AFAP1: variants seen among roughly 807,000 people sequenced by gnomAD.
AFAP1 encodes actin filament associated protein 1.
A neutral mutation model predicts 93.9 loss-of-function variants in AFAP1; 75 were observed. The ratio of observed to expected loss-of-function variants is 0.80; its 90% CI spans 0.66 to 0.97. AFAP1 has a LOEUF of 0.97. AFAP1 is among the 50% of genes least tolerant of loss of function. The pLI, the probability that AFAP1 is intolerant of heterozygous loss-of-function variation, is 0.00. For missense variants in AFAP1, 1,201 were observed against 1,050.8 expected, an observed-to-expected ratio of 1.14 and a Z score of -1.98; for synonymous variants, 517 against 430.7, an observed-to-expected ratio of 1.20 and a Z score of -2.48.
intron 1 of AFAP1, among the ~76,000 whole-genome samples, chr4:7,893,171 A>AG (rs1181927204): frequency 6.6e-6 from 1 of 152,210 alleles, no homozygotes; most frequent in East Asian, 1.9e-4. Context: ...ATCAGTGGCT[A>AG]GCAACATCCC....
intron 5 of AFAP1, among the ~76,000 whole-genome samples, chr4:7,841,205 C>G (rs1266866037): frequency 2.0e-5 from 3 of 152,170 alleles, no homozygotes; most frequent in African/African-American, 7.2e-5. Flanking sequence ...TGGGCAAAGA[C>G]GCCCAGTTTG....
rs1388927664 is a variant in AFAP1 at position 7,838,518 on chromosome 4, A to G, written c.726+6T>C. On this transcript the variant is annotated splice_donor_region_variant and intron_variant, in intron 6 of 17. Coordinates refer to ENST00000420658, the MANE Select transcript of AFAP1 (RefSeq NM_001134647.2). Reference sequence around the variant, plus strand: ...AAATGGCTGTGAAACACAGCAGACAACCTACCTTCAGCCACTGCTCGGCCT... The same window carrying G: ...AAATGGCTGTGAAACACAGCAGACAGCCTACCTTCAGCCACTGCTCGGCCT... The G allele has an allele frequency of 6.2e-7, 1 of 1,610,942 alleles. No homozygotes were observed. The highest frequency in any genetic ancestry group is 8.5e-7 in the Non-Finnish European group (1 of 1,178,188).
intron 9 of AFAP1, among the ~76,000 whole-genome samples, chr4:7,802,094 A>G (rs1161147901): frequency 2.0e-5 from 3 of 149,566 alleles, no homozygotes; most frequent in African/African-American, 5.0e-5. Context: ...ATGCTTTATT[A>G]CTTATAACTA....
chr4:7,769,563 G>A (rs972335115), intron 16 of AFAP1, among the ~76,000 whole-genome samples: 3 of 152,074 alleles, frequency 2.0e-5, no homozygotes, highest in African/African-American at 7.2e-5. Context: ...GTTCAGGAAG[G>A]CTGAAAATAG....
At chr4:7,838,844 A>C in intron 5 of AFAP1, 141 bp from the exon 6 acceptor site, 1 of 741,400 alleles carries the variant, frequency 1.3e-6, no homozygotes, top group Non-Finnish European at 2.2e-6. Context: ...TCACACACAC[A>C]CACACACACA....
intron 17 of AFAP1, among the ~76,000 whole-genome samples, chr4:7,768,078 A>G (rs1714867619): frequency 6.6e-6 from 1 of 152,234 alleles, no homozygotes; most frequent in Non-Finnish European, 1.5e-5. Flanking sequence ...CTGCCTCAAA[A>G]AAAGAAAAGT....
intron 1 of AFAP1, among the ~76,000 whole-genome samples, chr4:7,876,132 T>C (rs963370598): frequency 6.6e-6 from 1 of 152,236 alleles, no homozygotes; most frequent in Non-Finnish European, 1.5e-5. Flanking sequence ...CATGGAACTA[T>C]CTGAAGAGAA....
At chr4:7,777,180 C>G (rs1364726886) in intron 14 of AFAP1, 1 of 152,186 alleles carries the variant, frequency 6.6e-6, no homozygotes, top group Non-Finnish European at 1.5e-5. Context: ...CCCATCTGCC[C>G]CTCCTCAAAG....
chr4:7,851,363 T>C (rs1714417409), intron 4 of AFAP1, among the ~76,000 whole-genome samples: 1 of 152,184 alleles, frequency 6.6e-6, no homozygotes, highest in Non-Finnish European at 1.5e-5. Flanking sequence ...AAGCAGCCCT[T>C]AGTCCTGTGC....
chr4:7,769,059 T>C (rs751124922), intron 16 of AFAP1, 51 bp from the exon 17 acceptor site: 1 of 1,515,000 alleles, frequency 6.6e-7, no homozygotes, highest in Non-Finnish European at 8.9e-7. Context: ...GGGCCACTGG[T>C]ATTCTCCAGC....
chr4:7,796,736 G>A (rs1156793249), intron 10 of AFAP1, among the ~76,000 whole-genome samples: 1 of 145,270 alleles, frequency 6.9e-6, no homozygotes, highest in Non-Finnish European at 1.5e-5. Flanking sequence ...GGGCAACAGA[G>A]TGAGACTTGT....
intron 12 of AFAP1, among the ~76,000 whole-genome samples, chr4:7,783,916 AGGATGCAGATGAGTGTGGTAACT>A (rs1280835137): frequency 1.3e-5 from 2 of 152,210 alleles, no homozygotes; most frequent in Admixed American, 6.5e-5. Flanking sequence ...GATGGTTCTC[AGGATGCAGATGAGTGTGGTAACT>A]GGAGTCTAAA....
intron 1 of AFAP1, among the ~76,000 whole-genome samples, chr4:7,935,566 A>T (rs963188623): frequency 8.5e-5 from 13 of 152,230 alleles, no homozygotes; most frequent in African/African-American, 3.1e-4. Flanking sequence ...TAATCTAAGA[A>T]AACTTCATCT....
intron 11 of AFAP1, among the ~76,000 whole-genome samples, chr4:7,792,725 C>T (rs1383312255): frequency 6.6e-6 from 1 of 152,172 alleles, no homozygotes; most frequent in African/African-American, 2.4e-5. Flanking sequence ...CTACGCAGAA[C>T]AGGAAAAACC....
chr4:7,861,066 T>C (rs796284558), intron 3 of AFAP1, among the ~76,000 whole-genome samples: 1 of 152,188 alleles, frequency 6.6e-6, no homozygotes, highest in African/African-American at 2.4e-5. Context: ...AGCTGAGAAA[T>C]ACATACACCT....
intron 1 of AFAP1, among the ~76,000 whole-genome samples, chr4:7,889,458 C>G (rs1483369982): frequency 7.0e-6 from 1 of 143,784 alleles, no homozygotes; most frequent in Non-Finnish European, 1.5e-5. Context: ...GAGGCTGAGG[C>G]AGGAGAATCA....
At chr4:7,765,147 G>A (rs1270133076) in intron 17 of AFAP1, among the ~76,000 whole-genome samples, 1 of 152,106 alleles carries the variant, frequency 6.6e-6, no homozygotes, top group Admixed American at 6.5e-5. Flanking sequence ...TTAATGACTT[G>A]CCTTAGGTCC....
chr4:7,915,883 A>G (rs1720059547), intron 1 of AFAP1, among the ~76,000 whole-genome samples: 2 of 152,286 alleles, frequency 1.3e-5, no homozygotes, highest in African/African-American at 4.8e-5. Flanking sequence ...CGGATAAAGG[A>G]AACCAAAATA....
At chr4:7,891,003 A>G (rs931065949) in intron 1 of AFAP1, among the ~76,000 whole-genome samples, 5 of 152,240 alleles carry the variant, frequency 3.3e-5, no homozygotes, top group African/African-American at 1.2e-4. Context: ...AGCACAGCCT[A>G]AGCAGCCACT....
Sources: gnomAD v4.1 joint callset for allele counts (sites outside exome capture counted in the v4.1 genomes callset) on GRCh38, gnomAD v4.1.1 for gene constraint, MANE v1.5 for transcripts, NCBI Gene and HGNC (gene_info 2026-07-23, HGNC 2026-07-21) for gene names.